Variants in FER observed in about 807,000 individuals in gnomAD.
The protein encoded by FER is tyrosine-protein kinase Fer.
Under a neutral mutation model 111.0 loss-of-function variants are expected in FER, and 63 were observed. The observed-to-expected ratio is 0.57, with a 90% CI of 0.46 to 0.70. The LOEUF is 0.70. FER is among the 30% of genes least tolerant of loss of function. The pLI is 0.00. For synonymous variants in FER, 327 were observed against 313.9 expected, an observed-to-expected ratio of 1.04 and a Z score of -0.44; for missense variants, 914 against 954.0, an observed-to-expected ratio of 0.96 and a Z score of 0.55.
At chr5:109,079,706 G>A (rs917149159) in intron 16 of FER, among the ~76,000 whole-genome samples, 8 of 152,008 alleles carry the variant, frequency 5.3e-5, no homozygotes, top group Non-Finnish European at 1.0e-4. Flanking sequence ...CCCAGGAAAG[G>A]TTATGGTTAC....
chr5:108,870,074 C>G (rs1017047825), intron 6 of FER, among the ~76,000 whole-genome samples: 5 of 152,120 alleles, frequency 3.3e-5, no homozygotes, highest in Admixed American at 2.0e-4. Flanking sequence ...TTAAACTGTT[C>G]ACATGATTTT....
chr5:109,044,661 A>C lies in FER; in HGVS notation c.1714-19A>C. The C allele has an allele frequency of 8.1e-7, 1 of 1,234,818 alleles. No homozygotes were observed. The highest frequency in any genetic ancestry group is 1.1e-6 in the Non-Finnish European group (1 of 874,892). 76.5% of individuals were successfully genotyped at this position (1,234,818 alleles called of 1,614,324 possible). ...ATGCTGTCATTTACCCCAGACAATG[A>C]ATGTATTTCTATTTTCAGGGAAATT... On this transcript the variant is annotated intron_variant, in intron 14 of 19. Transcript: ENST00000281092.
intron 13 of FER, among the ~76,000 whole-genome samples, chr5:108,963,810 A>G (rs1759450410): frequency 6.6e-6 from 1 of 152,184 alleles, no homozygotes; most frequent in African/African-American, 2.4e-5. Flanking sequence ...ACTGCAAAGG[A>G]CAGTTTTTAA....
intron 13 of FER, among the ~76,000 whole-genome samples, chr5:109,029,320 A>G (rs985421113): frequency 1.4e-5 from 2 of 147,836 alleles, no homozygotes; most frequent in East Asian, 2.0e-4. Context: ...ATATGTATAC[A>G]TGTGCCATGC....
At chr5:108,770,135 A>G (rs966773393) in intron 2 of FER, among the ~76,000 whole-genome samples, 5 of 152,072 alleles carry the variant, frequency 3.3e-5, no homozygotes, top group Non-Finnish European at 5.9e-5. Context: ...TTTAGTAGAG[A>G]TGAGGTTTCT....
At chr5:108,817,465 A>C (rs975603096) in intron 3 of FER, among the ~76,000 whole-genome samples, 2 of 152,182 alleles carry the variant, frequency 1.3e-5, no homozygotes, top group African/African-American at 4.8e-5. Flanking sequence ...TGGAATTTTT[A>C]TGTTGTATTT....
At chr5:108,947,997 AT>A (rs1338268621) in intron 11 of FER, among the ~76,000 whole-genome samples, 5 of 152,006 alleles carry the variant, frequency 3.3e-5, no homozygotes, top group African/African-American at 1.2e-4. Context: ...GTTCAAATTC[AT>A]TCTTTTGCAT....
At chr5:109,011,138 ATTG>A (rs1766209384) in intron 13 of FER, among the ~76,000 whole-genome samples, 4 of 152,062 alleles carry the variant, frequency 2.6e-5, no homozygotes, top group South Asian at 4.1e-4. Context: ...TGCTATAGGT[ATTG>A]TTTTTATCTG....
intron 9 of FER, among the ~76,000 whole-genome samples, chr5:108,891,085 A>G (rs981474615): frequency 3.9e-5 from 6 of 152,028 alleles, no homozygotes; most frequent in African/African-American, 1.2e-4. Flanking sequence ...ATGTGTAGTG[A>G]TATCTCATTG....
At chr5:108,958,980 T>A (rs1464710676) in intron 12 of FER, among the ~76,000 whole-genome samples, 9 of 151,884 alleles carry the variant, frequency 5.9e-5, no homozygotes, top group Admixed American at 5.9e-4. Flanking sequence ...TGAATTAGAT[T>A]TAAACATTGT....
chr5:109,127,568 A>G (rs1193692312), intron 17 of FER, among the ~76,000 whole-genome samples: 1 of 151,554 alleles, frequency 6.6e-6, no homozygotes, highest in Non-Finnish European at 1.5e-5. Context: ...CACATCAGCT[A>G]ATTTTTTTTT....
chr5:108,852,528 GATATATGGAGGTCCTT>G (rs1327315220), intron 5 of FER, among the ~76,000 whole-genome samples: 1 of 152,020 alleles, frequency 6.6e-6, no homozygotes, highest in Non-Finnish European at 1.5e-5. Flanking sequence ...ATGTTCAGGT[GATATATGGAGGTCCTT>G]ATATTCTGGA....
intron 17 of FER, among the ~76,000 whole-genome samples, chr5:109,158,057 A>G (rs1179509219): frequency 6.8e-6 from 1 of 147,922 alleles, no homozygotes; most frequent in Non-Finnish European, 1.5e-5. Flanking sequence ...TTAAAAGAAA[A>G]AAGAAAAAAA....
chr5:109,180,324 TA>T (rs1471620284), intron 17 of FER, among the ~76,000 whole-genome samples: 1 of 152,154 alleles, frequency 6.6e-6, no homozygotes, highest in Non-Finnish European at 1.5e-5. Flanking sequence ...TAAAAGTATA[TA>T]AAATGAAAAA....
intron 3 of FER, among the ~76,000 whole-genome samples, chr5:108,825,056 A>G (rs537468117): frequency 3.6e-4 from 55 of 152,188 alleles, no homozygotes; most frequent in Non-Finnish European, 4.3e-4. Context: ...GTAATAGAAT[A>G]TCACAAGGCA....
intron 16 of FER, among the ~76,000 whole-genome samples, chr5:109,090,067 T>C (rs960920974): frequency 2.0e-5 from 3 of 152,168 alleles, no homozygotes; most frequent in Non-Finnish European, 4.4e-5. Flanking sequence ...GAGGTCTGTC[T>C]GAAGGACTGG....
chr5:108,798,649 A>T (rs1756309202), intron 3 of FER, among the ~76,000 whole-genome samples: 1 of 152,138 alleles, frequency 6.6e-6, no homozygotes, highest in African/African-American at 2.4e-5. Context: ...GGAGTTTGAG[A>T]CCAGCCTGGG....
At chr5:108,848,034 T>C (rs966287655) in intron 5 of FER, among the ~76,000 whole-genome samples, 1 of 152,092 alleles carries the variant, frequency 6.6e-6, no homozygotes, top group Non-Finnish European at 1.5e-5. Context: ...AATACGAGCA[T>C]GTGTTGCCAT....
chr5:109,112,411 A>G (rs1017976868), intron 17 of FER, among the ~76,000 whole-genome samples: 3 of 152,272 alleles, frequency 2.0e-5, no homozygotes, highest in African/African-American at 7.2e-5. Flanking sequence ...CTATGTATCC[A>G]CTATAAAGGG....
Sources: allele counts gnomAD v4.1 joint callset (sites outside exome capture counted in the v4.1 genomes callset), GRCh38; gene constraint gnomAD v4.1.1; transcripts MANE v1.5; gene names NCBI Gene and HGNC (gene_info 2026-07-23, HGNC 2026-07-21).